The following SHISA6 variants were observed in gnomAD, a reference collection of about 807,000 sequenced individuals.
SHISA6 encodes shisa family member 6.
Under a neutral mutation model 47.9 loss-of-function variants are expected in SHISA6, and 22 were observed. The observed-to-expected ratio is 0.46, with a 90% CI of 0.33 to 0.66. The LOEUF is 0.66. Among genes scored for constraint, SHISA6 ranks in the 30% least tolerant of loss-of-function variants. SHISA6 has a pLI of 0.02. For synonymous variants in SHISA6, 388 were observed against 337.8 expected (o/e 1.15, Z -1.63); for missense variants, 680 against 764.6 (o/e 0.89, Z 1.30).
intron 3 of SHISA6, among the ~76,000 whole-genome samples, chr17:11,415,637 T>G (rs915182193): frequency 3.9e-5 from 6 of 152,250 alleles, no homozygotes; most frequent in African/African-American, 1.4e-4. Flanking sequence ...TCTTTATTAA[T>G]GAGGTTGTTC....
intron 2 of SHISA6, among the ~76,000 whole-genome samples, chr17:11,282,465 G>A (rs904982569): frequency 6.6e-6 from 1 of 151,752 alleles, no homozygotes; most frequent in Non-Finnish European, 1.5e-5. Context: ...TTGATATATA[G>A]GTATACATGT....
chr17:11,401,240 G>A (rs930359854), intron 3 of SHISA6, among the ~76,000 whole-genome samples: 1 of 152,182 alleles, frequency 6.6e-6, no homozygotes, highest in Non-Finnish European at 1.5e-5. Flanking sequence ...CTGTCACCCA[G>A]GTTGGAGTGC....
At chr17:11,424,247 C>G (rs1233450087) in intron 3 of SHISA6, among the ~76,000 whole-genome samples, 5 of 152,112 alleles carry the variant, frequency 3.3e-5, no homozygotes, top group African/African-American at 1.2e-4. Flanking sequence ...TAATGATAGG[C>G]TTCTTACATA....
chr17:11,385,221 T>C (rs1297592192), intron 3 of SHISA6, among the ~76,000 whole-genome samples: 1 of 152,068 alleles, frequency 6.6e-6, no homozygotes, highest in African/African-American at 2.4e-5. Context: ...GACTGACGGA[T>C]GTGAAGGATC....
At chr17:11,502,364 G>A (rs1479381533) in intron 3 of SHISA6, among the ~76,000 whole-genome samples, 8 of 139,738 alleles carry the variant, frequency 5.7e-5, no homozygotes, top group African/African-American at 1.1e-4. Flanking sequence ...AGCTGAGATC[G>A]CGCCACTGGA....
At chr17:11,529,418 A>C (rs2142369918) in intron 3 of SHISA6, among the ~76,000 whole-genome samples, 1 of 152,318 alleles carries the variant, frequency 6.6e-6, no homozygotes, top group South Asian at 2.1e-4. Context: ...AACTGAGGAA[A>C]GGCTGCATTA....
At chr17:11,292,727 C>T (rs1276409560) in intron 2 of SHISA6, among the ~76,000 whole-genome samples, 2 of 151,620 alleles carry the variant, frequency 1.3e-5, no homozygotes, top group African/African-American at 2.4e-5. Context: ...GATGAACTTG[C>T]GTCCTTCCGG....
At chr17:11,255,644 CAT>C in intron 1 of SHISA6, among the ~76,000 whole-genome samples, 1 of 152,236 alleles carries the variant, frequency 6.6e-6, no homozygotes, top group South Asian at 2.1e-4. Context: ...GGTGTGTGGT[CAT>C]ATGGATTTCC....
intron 2 of SHISA6, among the ~76,000 whole-genome samples, chr17:11,269,498 G>A (rs1204088801): frequency 6.6e-6 from 1 of 152,266 alleles, no homozygotes; most frequent in South Asian, 2.1e-4. Context: ...TTTCCACCCT[G>A]CTAAGAAAGC....
At chr17:11,386,447 C>T (rs1024420966) in intron 3 of SHISA6, among the ~76,000 whole-genome samples, 6 of 152,054 alleles carry the variant, frequency 3.9e-5, no homozygotes, top group Non-Finnish European at 7.4e-5. Context: ...CAAATGCAGA[C>T]TACAGGTACT....
intron 3 of SHISA6, among the ~76,000 whole-genome samples, chr17:11,465,133 G>A (rs1915777373): frequency 6.6e-6 from 1 of 152,102 alleles, no homozygotes; most frequent in South Asian, 2.1e-4. Flanking sequence ...ATGTCCCAAA[G>A]GATCTGGTCC....
intron 3 of SHISA6, among the ~76,000 whole-genome samples, chr17:11,510,675 GA>G (rs1489492150): frequency 6.6e-6 from 1 of 152,196 alleles, no homozygotes; most frequent in Non-Finnish European, 1.5e-5. Context: ...ACATTTGAGA[GA>G]ATGAATTTCA....
chr17:11,261,092 A>G (rs564542017), intron 1 of SHISA6, among the ~76,000 whole-genome samples: 1 of 151,158 alleles, frequency 6.6e-6, no homozygotes, highest in Non-Finnish European at 1.5e-5. Context: ...GGGATGGAAG[A>G]TGGAGAGGAA....
chr17:11,261,104 C>T (rs777674882), intron 1 of SHISA6, among the ~76,000 whole-genome samples: 6 of 148,516 alleles, frequency 4.0e-5, no homozygotes, highest in Non-Finnish European at 8.9e-5. Context: ...GGAGAGGAAC[C>T]AGAGCAAGGA....
intron 3 of SHISA6, among the ~76,000 whole-genome samples, chr17:11,490,132 C>T (rs945537107): frequency 1.3e-5 from 2 of 152,162 alleles, no homozygotes; most frequent in African/African-American, 4.8e-5. Flanking sequence ...GCCAGCCTCT[C>T]CAGGTCTTCC....
At chr17:11,448,566 C>G (rs945664242) in intron 3 of SHISA6, among the ~76,000 whole-genome samples, 1 of 151,834 alleles carries the variant, frequency 6.6e-6, no homozygotes, top group East Asian at 1.9e-4. Context: ...TGGTGTCTCA[C>G]ACCTATAATC....
intron 3 of SHISA6, among the ~76,000 whole-genome samples, chr17:11,424,175 A>AT (rs1418501218): frequency 2.2e-4 from 33 of 152,218 alleles, no homozygotes; most frequent in Non-Finnish European, 1.5e-5. Flanking sequence ...ATGAATGACC[A>AT]TGGAGGAAGT....
chr17:11,346,006 A>T (rs1911690084), intron 2 of SHISA6, among the ~76,000 whole-genome samples: 1 of 152,144 alleles, frequency 6.6e-6, no homozygotes, highest in Non-Finnish European at 1.5e-5. Flanking sequence ...AAAAGTTGTG[A>T]GCGAACATAG....
intron 3 of SHISA6, among the ~76,000 whole-genome samples, chr17:11,394,595 G>C (rs574869383): frequency 6.6e-6 from 1 of 152,148 alleles, no homozygotes; most frequent in African/African-American, 2.4e-5. Flanking sequence ...GCTCAATTCT[G>C]CACCTCCCCC....
Sources: gnomAD v4.1 joint callset for allele counts (sites outside exome capture counted in the v4.1 genomes callset) on GRCh38, gnomAD v4.1.1 for gene constraint, MANE v1.5 for transcripts, NCBI Gene and HGNC (gene_info 2026-07-23, HGNC 2026-07-21) for gene names.